The following FAM161A variants were observed in gnomAD, a reference collection of about 807,000 sequenced individuals.
FAM161A encodes FAM161 centrosomal protein A, also known as protein FAM161A.
A neutral mutation model predicts 70.9 loss-of-function variants in FAM161A; 57 were observed. The observed-to-expected ratio is 0.80, with a 90% confidence interval of 0.65 to 1.00. The LOEUF is 1.00. Ranked by LOEUF, FAM161A falls within the 50% of genes least tolerant of loss-of-function variation. The pLI, the probability that FAM161A is intolerant of heterozygous loss-of-function variation, is 0.00. For synonymous variants in FAM161A, 299 were observed against 295.7 expected, an observed-to-expected ratio of 1.01 and a Z score of -0.12; for missense variants, 880 against 836.0, an observed-to-expected ratio of 1.05 and a Z score of -0.65.
rs112075736 is a variant in FAM161A at position 61,830,955 on chromosome 2, A to G, written c.1852-3697T>C. On this transcript the variant is annotated intron_variant, in intron 5 of 6. Coordinates refer to ENST00000404929, the MANE Select transcript of FAM161A (RefSeq NM_001201543.2). ...GAAACTTCGTCTTGACTAAAAATAC[A>G]AAAAAAATTAGCCAGGCATGGTGGC... 4.7e-3 allele frequency among the ~76,000 whole-genome samples: 716 copies of G among 151,388 alleles called. 8 individuals carry two copies. The highest frequency in any genetic ancestry group is 0.016 in the African/African-American group (672 of 41,292).
the FAM161A span, among the ~76,000 whole-genome samples, chr2:61,800,241 C>T: frequency 6.6e-6 from 1 of 152,086 alleles, no homozygotes; most frequent in African/African-American, 2.4e-5. Flanking sequence ...TAGCAATGAT[C>T]TTGTTACTTG....
At chr2:61,810,472 T>G in the FAM161A span, among the ~76,000 whole-genome samples, 1 of 147,776 alleles carries the variant, frequency 6.8e-6, no homozygotes, top group Admixed American at 6.8e-5. Flanking sequence ...TTTTTTTTTT[T>G]TTTGAGATGG....
intron 5 of FAM161A, among the ~76,000 whole-genome samples, chr2:61,833,060 G>A (rs139616153): frequency 6.6e-6 from 1 of 151,974 alleles, no homozygotes; most frequent in Non-Finnish European, 1.5e-5. Flanking sequence ...ACATTGGTGG[G>A]GAATGAGGGA....
At chr2:61,819,931 T>C (rs556749279), downstream of FAM161A, among the ~76,000 whole-genome samples, 11 of 152,206 alleles carry the variant, frequency 7.2e-5, no homozygotes, top group Non-Finnish European at 1.3e-4. Flanking sequence ...AATGTTAATG[T>C]CTTATTTTGC....
intron 1 of FAM161A, chr2:61,846,611 C>T (rs1474565060): frequency 4.5e-6 from 1 of 220,090 alleles, no homozygotes; most frequent in Non-Finnish European, 9.1e-6. Flanking sequence ...TCTCTCAGCT[C>T]CAATGCCACC....
chr2:61,813,259 G>T, the FAM161A span, among the ~76,000 whole-genome samples: 1 of 151,744 alleles, frequency 6.6e-6, no homozygotes, highest in Non-Finnish European at 1.5e-5. Context: ...AACATAGAGA[G>T]ACCTTATCTC....
intron 5 of FAM161A, among the ~76,000 whole-genome samples, chr2:61,829,956 T>G (rs767432441): frequency 6.6e-6 from 1 of 150,552 alleles, no homozygotes; most frequent in Non-Finnish European, 1.5e-5. Flanking sequence ...TCCAGCAAAA[T>G]AGACTGCAGC....
At chr2:61,842,475 T>C (rs1462743533) in intron 1 of FAM161A, 115 bp from the exon 2 acceptor site, 11 of 644,938 alleles carry the variant, frequency 1.7e-5, no homozygotes, top group Non-Finnish European at 3.0e-5. Flanking sequence ...TATACATTAA[T>C]TATGGGCTAT....
the FAM161A span, among the ~76,000 whole-genome samples, chr2:61,806,967 C>T: frequency 1.4e-4 from 22 of 152,228 alleles, no homozygotes; most frequent in Middle Eastern, 6.8e-3. Flanking sequence ...GCTGGGATTA[C>T]AGGCGTGAGC....
chr2:61,815,493 G>A, the FAM161A span, among the ~76,000 whole-genome samples: 1 of 125,382 alleles, frequency 8.0e-6, no homozygotes, highest in African/African-American at 3.0e-5. Context: ...AGTGTCTGCT[G>A]TTTACTAGAA....
the FAM161A span, among the ~76,000 whole-genome samples, chr2:61,807,685 G>C: frequency 6.9e-6 from 1 of 145,932 alleles, no homozygotes; most frequent in Non-Finnish European, 1.5e-5. Flanking sequence ...TGTCACCCAG[G>C]CTGGAGTGCA....
At chr2:61,849,667 C>T (rs1673428076) in intron 1 of FAM161A, among the ~76,000 whole-genome samples, 1 of 151,244 alleles carries the variant, frequency 6.6e-6, no homozygotes, top group South Asian at 2.1e-4. Context: ...CACCTGTAGT[C>T]CTAGCTACTC....
the FAM161A span, among the ~76,000 whole-genome samples, chr2:61,809,559 TC>T: frequency 6.6e-6 from 1 of 152,056 alleles, no homozygotes; most frequent in Non-Finnish European, 1.5e-5. Context: ...TAGTTTGGAT[TC>T]CCCCAAAGGC....
Position 61,839,453 on chromosome 2 carries a change from C to T in FAM161A, c.1551G>A (p.Thr517=), listed in dbSNP as rs143622468. Residue 517 remains threonine (T), a synonymous_variant, in exon 3 of 7, where the codon ACG becomes ACA. Transcript: ENST00000404929. The part of the protein sequence containing the change: ...VPCNCNPPVP[T]VSSRGREQAV... ...CTTGTTCTCGTCCTCTGGAAGATAC[C>T]GTGGGCACGGGAGGGTTGCAGTTAC... is the stretch of plus-strand genomic sequence containing the variant. 671 of 1,614,114 alleles carry T rather than the reference C, an allele frequency of 4.2e-4. 4 individuals carry two copies. In the African/African-American group the frequency reaches 7.5e-3, roughly 18 times the overall value.
chr2:61,805,127 A>G, the FAM161A span, among the ~76,000 whole-genome samples: 1 of 152,312 alleles, frequency 6.6e-6, no homozygotes, highest in African/African-American at 2.4e-5. Context: ...ATTGCAAATC[A>G]GAAAATCTTT....
chr2:61,842,191 T>A lies in FAM161A; in HGVS notation c.353A>T (p.Gln118Leu), dbSNP rs778253999. Residue 118 changes from glutamine to leucine, a missense_variant, in exon 2 of 7, where the codon CAG (glutamine) becomes CTG (leucine). Transcript: ENST00000404929. ...AACTTCCTTTAAATGTAATTTATCC[T>A]GGTACATTTTCTCTAATTTTGCCAT... is the stretch of plus-strand genomic sequence containing the variant. ...ETMAKLEKMY[Q>L]DKLHLKEVQP... is the part of the protein sequence containing the mutation. 28 of 1,613,814 alleles carry A rather than the reference T, an allele frequency of 1.7e-5. No homozygotes were observed. The highest frequency in any genetic ancestry group is 2.4e-5 in the Non-Finnish European group (28 of 1,179,810).
chr2:61,816,438 A>G, the FAM161A span, among the ~76,000 whole-genome samples: 1 of 151,968 alleles, frequency 6.6e-6, no homozygotes, highest in African/African-American at 2.4e-5. Context: ...ACCCTGCCCT[A>G]CTGTAAACTG....
the FAM161A span, among the ~76,000 whole-genome samples, chr2:61,814,170 G>A: frequency 6.6e-6 from 1 of 152,148 alleles, no homozygotes; most frequent in South Asian, 2.1e-4. Flanking sequence ...ACCTACCAGT[G>A]AGAAAATTAT....
At position 61,847,907 on chromosome 2, in the gene FAM161A, GA is replaced by G. The variant is rs200376070; in HGVS notation, c.184-5548del. Among the ~76,000 whole-genome samples, 246 of 149,872 alleles carry G rather than the reference GA, an allele frequency of 1.6e-3. 1 individual carries two copies. Among genetic ancestry groups the G allele is most frequent in the South Asian group, 0.011 (50 of 4,740 alleles). ...TACTGAATGAATGAATGAATGTACA[GA>G]AAAAAAAAATTCCACCTTGGGAAGA... On this transcript the variant is annotated intron_variant, in intron 1 of 6. Coordinates refer to ENST00000404929, the MANE Select transcript of FAM161A (RefSeq NM_001201543.2).
Sources: allele counts gnomAD v4.1 joint callset (sites outside exome capture counted in the v4.1 genomes callset), GRCh38; gene constraint gnomAD v4.1.1; transcripts MANE v1.5; gene names NCBI Gene and HGNC (gene_info 2026-07-23, HGNC 2026-07-21).